Variants in OCA2 observed in about 807,000 individuals in gnomAD.
OCA2 encodes the protein P protein.
A neutral mutation model predicts 100.2 loss-of-function variants in OCA2; 77 were observed. That is an observed-to-expected ratio of 0.77 (90% confidence interval 0.64 to 0.93). The LOEUF is 0.93. OCA2 is among the 40% of genes least tolerant of loss of function. OCA2 has a pLI of 0.00. For missense variants in OCA2, 1,062 were observed against 1,089.1 expected (o/e 0.98, Z 0.35); for synonymous variants, 432 against 439.2 (o/e 0.98, Z 0.21).
chr15:27,814,979 T>C (rs1409121117), intron 23 of OCA2, among the ~76,000 whole-genome samples: 1 of 151,846 alleles, frequency 6.6e-6, no homozygotes, highest in Admixed American at 6.6e-5. Context: ...TTCTTTATGC[T>C]AGGAACATGT....
At chr15:28,029,283 A>C (rs2042845064) in intron 3 of OCA2, among the ~76,000 whole-genome samples, 1 of 152,254 alleles carries the variant, frequency 6.6e-6, no homozygotes, top group African/African-American at 2.4e-5. Context: ...AATGTGTAAC[A>C]AGATAACACA....
chr15:28,012,508 G>C (rs1306892677), intron 9 of OCA2, among the ~76,000 whole-genome samples: 1 of 152,122 alleles, frequency 6.6e-6, no homozygotes, highest in Admixed American at 6.5e-5. Context: ...GTTTCTGTGT[G>C]GTGGCCTCTG....
chr15:27,950,666 T>C, intron 18 of OCA2: 1 of 347,058 alleles, frequency 2.9e-6, no homozygotes, highest in Non-Finnish European at 5.8e-6. Context: ...CATCATGTGT[T>C]GTGTGAGAAT....
chr15:27,918,384 A>G (rs1243622566), intron 19 of OCA2, among the ~76,000 whole-genome samples: 1 of 152,124 alleles, frequency 6.6e-6, no homozygotes, highest in Non-Finnish European at 1.5e-5. Context: ...TTGAGTTTCA[A>G]GAAGATATAA....
At chr15:27,999,397 T>C (rs564693392) in intron 9 of OCA2, among the ~76,000 whole-genome samples, 54 of 152,276 alleles carry the variant, frequency 3.5e-4, no homozygotes, top group Non-Finnish European at 6.6e-4. Flanking sequence ...AGAAAAGGCA[T>C]TTGAGAAAAT....
At chr15:28,010,612 C>T (rs1327599502) in intron 9 of OCA2, among the ~76,000 whole-genome samples, 1 of 152,032 alleles carries the variant, frequency 6.6e-6, no homozygotes, top group African/African-American at 2.4e-5. Context: ...TTTACAATTG[C>T]TCCAAAGAAA....
Position 27,980,228 on chromosome 15 carries a change from C to T in OCA2, c.1503+3117G>A, listed in dbSNP as rs533422046. Among the ~76,000 whole-genome samples the T allele has an allele frequency of 1.8e-4, 28 of 151,518 alleles. 1 individual carries two copies. The highest frequency in any genetic ancestry group is 9.9e-4 in the East Asian group (5 of 5,058). ...CTGCAAGCTCCGCCTCATGGGTTCA[C>T]GCCATTCTCCTGCCTCAGCCTCCAG... On this transcript the variant is annotated intron_variant, in intron 14 of 23. Transcript: ENST00000354638.
chr15:28,061,373 A>T lies in OCA2; in HGVS notation c.227+20275T>A, dbSNP rs551989909. On this transcript the variant is annotated intron_variant, in intron 2 of 23. Coordinates refer to ENST00000354638, the MANE Select transcript of OCA2 (RefSeq NM_000275.3). ...CATACACAACAAAGAATACAGACTCAAAAACATGAGTTCAGGAAAGTCACT... is the reference window on the plus strand; with the variant it reads ...CATACACAACAAAGAATACAGACTCTAAAACATGAGTTCAGGAAAGTCACT... Among the ~76,000 whole-genome samples the T allele has an allele frequency of 9.2e-5, 14 of 152,322 alleles. No homozygotes were observed. In the South Asian group the frequency reaches 2.5e-3, roughly 27 times the overall value.
intron 23 of OCA2, among the ~76,000 whole-genome samples, chr15:27,832,382 G>T (rs931642858): frequency 3.3e-5 from 5 of 152,188 alleles, no homozygotes; most frequent in African/African-American, 1.2e-4. Flanking sequence ...AAGCTTTCCT[G>T]CTTAAAGCCC....
intron 2 of OCA2, among the ~76,000 whole-genome samples, chr15:28,046,434 G>A (rs768761844): frequency 2.0e-5 from 3 of 152,160 alleles, no homozygotes; most frequent in Non-Finnish European, 2.9e-5. Flanking sequence ...GCCATTCTGA[G>A]ATGAATGGAG....
chr15:27,876,602 C>G lies in OCA2; in HGVS notation c.2080-4680G>C, dbSNP rs77856758. The stretch of plus-strand genomic sequence containing the variant: ...TTCCTTCTGTAAATAATTTTAATTA[C>G]TAATTCAGCTGCTTTATTGATATAA... On this transcript the variant is annotated intron_variant, in intron 19 of 23. Transcript: ENST00000354638. Among the ~76,000 whole-genome samples, 643 of 152,080 alleles carry G rather than the reference C, an allele frequency of 4.2e-3. 3 individuals carry two copies. Among genetic ancestry groups the G allele is most frequent in the Admixed American group, 7.4e-3 (113 of 15,274 alleles).
At chr15:27,727,311 C>T in the OCA2 span, among the ~76,000 whole-genome samples, 12,908 of 152,204 alleles carry the variant, frequency 0.085, 1,880 homozygotes, top group African/African-American at 0.29. Context: ...CACAGGGCAG[C>T]AACAGTTACT....
chr15:27,806,172 G>A (rs1377170227), intron 23 of OCA2, among the ~76,000 whole-genome samples: 1 of 152,246 alleles, frequency 6.6e-6, no homozygotes, highest in Non-Finnish European at 1.5e-5. Context: ...CGCGGGTGGG[G>A]AAGACCAGCT....
chr15:28,080,114 C>T (rs2044572011), intron 2 of OCA2, among the ~76,000 whole-genome samples: 1 of 152,212 alleles, frequency 6.6e-6, no homozygotes, highest in Non-Finnish European at 1.5e-5. Flanking sequence ...GCTGCCTCAT[C>T]TGCCTCCCCA....
chr15:28,089,643 G>GA (rs971890544), intron 1 of OCA2, among the ~76,000 whole-genome samples: 4 of 152,184 alleles, frequency 2.6e-5, no homozygotes, highest in African/African-American at 9.7e-5. Flanking sequence ...TAAATGGTCT[G>GA]AATACATCAA....
chr15:27,918,549 C>A (rs916675240), intron 19 of OCA2, among the ~76,000 whole-genome samples: 2 of 152,192 alleles, frequency 1.3e-5, no homozygotes, highest in African/African-American at 4.8e-5. Context: ...TCCACATCAA[C>A]AAAGCAGCAA....
At chr15:27,889,673 C>T (rs115809809) in intron 19 of OCA2, among the ~76,000 whole-genome samples, 2,369 of 152,196 alleles carry the variant, frequency 0.016, 54 homozygotes, top group African/African-American at 0.05. Context: ...TGAGGCATTC[C>T]GAGGTTATCA....
At chr15:27,855,042 A>G (rs1337741612) in intron 21 of OCA2, among the ~76,000 whole-genome samples, 3 of 152,204 alleles carry the variant, frequency 2.0e-5, no homozygotes, top group Non-Finnish European at 4.4e-5. Context: ...CAACTGCCAG[A>G]TTCTGTTACA....
chr15:28,089,714 G>A (rs1230934728), intron 1 of OCA2, among the ~76,000 whole-genome samples: 1 of 152,234 alleles, frequency 6.6e-6, no homozygotes, highest in African/African-American at 2.4e-5. Context: ...AGGTCTATAA[G>A]AAATTTACTT....
Sources: allele counts gnomAD v4.1 joint callset (sites outside exome capture counted in the v4.1 genomes callset), GRCh38; gene constraint gnomAD v4.1.1; transcripts MANE v1.5; gene names NCBI Gene and HGNC (gene_info 2026-07-23, HGNC 2026-07-21).